The following AGBL1 variants were observed in gnomAD, a reference collection of about 807,000 sequenced individuals.
AGBL1 encodes the protein AGBL carboxypeptidase 1.
A neutral mutation model predicts 118.9 loss-of-function variants in AGBL1; 130 were observed. The observed-to-expected ratio is 1.09, with a 90% confidence interval of 0.95 to 1.26. AGBL1 has a LOEUF of 1.26. AGBL1 is among the 50% of genes most tolerant of loss of function. The pLI is 0.00. For synonymous variants in AGBL1, 555 were observed against 478.9 expected, an observed-to-expected ratio of 1.16 and a Z score of -2.08; for missense variants, 1,584 against 1,298.1, an observed-to-expected ratio of 1.22 and a Z score of -3.38.
At position 86,264,610 on chromosome 15, in the gene AGBL1, C is replaced by T. The variant is rs772347188; in HGVS notation, c.1439C>T (p.Ala480Val). Residue 480 changes from alanine to valine, a missense_variant, in exon 11 of 23, where the codon GCC becomes GTC. Ala to Val is a moderately conservative substitution (Grantham distance 64, BLOSUM62 0). Coordinates refer to ENST00000614907, the MANE Select transcript of AGBL1 (RefSeq NM_001386094.1). ...VDAIFCPRMSASFSNSTRTRE... is the reference protein window; with the variant it reads ...VDAIFCPRMSVSFSNSTRTRE... Reference sequence around the variant, plus strand: ...GCAATTTTCTGCCCAAGGATGAGTGCCTCCTTTTCTAATTCCACTAGGACT... The same window carrying T: ...GCAATTTTCTGCCCAAGGATGAGTGTCTCCTTTTCTAATTCCACTAGGACT... 2 of 1,613,720 alleles carry T rather than the reference C, an allele frequency of 1.2e-6. No homozygotes were observed. Among genetic ancestry groups the T allele is most frequent in the Admixed American group, 1.7e-5 (1 of 59,990 alleles).
At chr15:86,707,769 A>G (rs1424941414) in intron 22 of AGBL1, among the ~76,000 whole-genome samples, 1 of 152,188 alleles carries the variant, frequency 6.6e-6, no homozygotes, top group African/African-American at 2.4e-5. Flanking sequence ...GACTATTGTT[A>G]TCATGAGATC....
intron 18 of AGBL1, among the ~76,000 whole-genome samples, chr15:86,437,097 A>T (rs573459213): frequency 6.6e-6 from 1 of 152,086 alleles, no homozygotes. Flanking sequence ...CTATCATCAG[A>T]GAGAGTGGTT....
chr15:86,819,711 T>C (rs147859085), intron 22 of AGBL1, among the ~76,000 whole-genome samples: 2 of 152,192 alleles, frequency 1.3e-5, no homozygotes, highest in South Asian at 2.1e-4. Flanking sequence ...AAAATGGCTA[T>C]ACTGCCCAAA....
intron 22 of AGBL1, among the ~76,000 whole-genome samples, chr15:86,902,920 A>G (rs2080230984): frequency 6.6e-6 from 1 of 152,082 alleles, no homozygotes; most frequent in African/African-American, 2.4e-5. Context: ...GGGTTTTTCT[A>G]AGTTTCTTGT....
intron 18 of AGBL1, among the ~76,000 whole-genome samples, chr15:86,466,126 G>A (rs2082402959): frequency 1.3e-5 from 2 of 152,166 alleles, no homozygotes; most frequent in South Asian, 4.1e-4. Context: ...TTGAAATACT[G>A]GGGGCTGGTT....
At chr15:86,551,985 G>A (rs1406585142) in intron 20 of AGBL1, among the ~76,000 whole-genome samples, 1 of 152,134 alleles carries the variant, frequency 6.6e-6, no homozygotes, top group Non-Finnish European at 1.5e-5. Flanking sequence ...TGGAAGGAAG[G>A]AAGGAAAAAT....
chr15:86,132,069 G>A (rs116278092), intron 1 of AGBL1, among the ~76,000 whole-genome samples: 136 of 152,272 alleles, frequency 8.9e-4, no homozygotes, highest in African/African-American at 3.0e-3. Flanking sequence ...GATTGGGGTA[G>A]GGAAGACCAT....
chr15:86,470,337 C>T (rs2082463630), intron 18 of AGBL1, among the ~76,000 whole-genome samples: 5 of 152,130 alleles, frequency 3.3e-5, no homozygotes. Flanking sequence ...TGTCCTTCCA[C>T]CATTGTCTGT....
intron 24 of AGBL1, among the ~76,000 whole-genome samples, chr15:87,020,893 T>G (rs1282413577): frequency 6.6e-6 from 1 of 151,800 alleles, no homozygotes; most frequent in East Asian, 1.9e-4. Flanking sequence ...TGGATAAGAC[T>G]CAATATTGTG....
intron 24 of AGBL1, among the ~76,000 whole-genome samples, chr15:86,997,105 G>A (rs1410382509): frequency 6.6e-6 from 1 of 152,024 alleles, no homozygotes; most frequent in East Asian, 1.9e-4. Flanking sequence ...GTCCAAGTAT[G>A]CATCTATGAA....
At chr15:86,892,662 G>A (rs1441402246) in intron 22 of AGBL1, among the ~76,000 whole-genome samples, 1 of 152,130 alleles carries the variant, frequency 6.6e-6, no homozygotes, top group Non-Finnish European at 1.5e-5. Context: ...GCACACAGTA[G>A]GTGATTGGCA....
At chr15:86,771,607 C>T (rs577521425) in intron 22 of AGBL1, among the ~76,000 whole-genome samples, 12 of 152,020 alleles carry the variant, frequency 7.9e-5, no homozygotes, top group Admixed American at 2.6e-4. Flanking sequence ...GTACTCTCAT[C>T]GCCTAAAATT....
chr15:86,277,906 TC>T (rs2079283491), intron 15 of AGBL1, among the ~76,000 whole-genome samples: 1 of 152,256 alleles, frequency 6.6e-6, no homozygotes, highest in Admixed American at 6.5e-5. Context: ...TGATTGGTTA[TC>T]CCTGGATCAT....
chr15:86,799,149 A>AATTTT (rs143457989), intron 22 of AGBL1, among the ~76,000 whole-genome samples: 5 of 151,448 alleles, frequency 3.3e-5, no homozygotes, highest in Admixed American at 2.6e-4. Flanking sequence ...ATGCAATTGT[A>AATTTT]ATTTTATTTT....
At chr15:86,738,077 C>A (rs1335966546) in intron 22 of AGBL1, among the ~76,000 whole-genome samples, 2 of 151,864 alleles carry the variant, frequency 1.3e-5, no homozygotes, top group East Asian at 1.9e-4. Flanking sequence ...AGAAAAAAAT[C>A]CTTTCTGTGT....
chr15:86,864,961 C>T (rs994404467), intron 22 of AGBL1, among the ~76,000 whole-genome samples: 9 of 152,122 alleles, frequency 5.9e-5, no homozygotes, highest in Admixed American at 2.6e-4. Context: ...AAAATCATTA[C>T]GTTTGTTTTC....
chr15:86,917,866 T>TAA (rs57222378), downstream of AGBL1, among the ~76,000 whole-genome samples: 2 of 151,654 alleles, frequency 1.3e-5, no homozygotes, highest in African/African-American at 4.9e-5. This position sits in a 1 kb window ranked among gnomAD's most constrained non-coding sequence, Gnocchi z 4.8. Flanking sequence ...TCCTGACTCA[T>TAA]AAAAAAGTGA....
At chr15:86,792,212 C>A (rs1011269592) in intron 22 of AGBL1, among the ~76,000 whole-genome samples, 9 of 152,172 alleles carry the variant, frequency 5.9e-5, no homozygotes, top group African/African-American at 2.2e-4. Flanking sequence ...GAACAGAGTA[C>A]TTTACTTTTG....
intron 9 of AGBL1, among the ~76,000 whole-genome samples, chr15:86,261,139 C>T (rs890797113): frequency 2.6e-5 from 4 of 152,166 alleles, no homozygotes; most frequent in African/African-American, 4.8e-5. Flanking sequence ...CTAAGTGGGT[C>T]GCCTAGTCAC....
Sources: gnomAD v4.1 joint callset for allele counts (sites outside exome capture counted in the v4.1 genomes callset) on GRCh38, gnomAD v4.1.1 for gene constraint, Gnocchi (gnomAD v3.1) non-coding constraint, MANE v1.5 for transcripts, NCBI Gene and HGNC (gene_info 2026-07-23, HGNC 2026-07-21) for gene names.